Variants in TRAK2 observed in about 807,000 individuals in gnomAD.
The protein encoded by TRAK2 is trafficking kinesin protein 2.
TRAK2 carries 81 observed loss-of-function variants against 104.6 expected under a neutral mutation model. That is an observed-to-expected ratio of 0.77 (90% CI 0.65 to 0.93). The LOEUF is 0.93. TRAK2 is among the 40% of genes least tolerant of loss of function. TRAK2 has a pLI of 0.00. For missense variants in TRAK2, 1,002 were observed against 1,089.0 expected (o/e 0.92, Z 1.12); for synonymous variants, 406 against 394.4 (o/e 1.03, Z -0.35).
chr2:201,428,624 T>C (rs529263744), intron 1 of TRAK2, among the ~76,000 whole-genome samples: 1 of 152,378 alleles, frequency 6.6e-6, no homozygotes, highest in African/African-American at 2.4e-5. Flanking sequence ...CTTTATTATT[T>C]TGGCTTAGGA....
rs754486684 is a variant in TRAK2, at chr2:201,420,416, C to T, written c.91+1G>A. Reference sequence around the variant, plus strand: ...TTCAATATTTATTAAACTGGACTTACCAGTGATGCTCTCCGAGTCTCTGTG... The same window carrying T: ...TTCAATATTTATTAAACTGGACTTATCAGTGATGCTCTCCGAGTCTCTGTG... On this transcript the variant is annotated splice_donor_variant, in intron 2 of 15. Transcript: ENST00000332624. LOFTEE classifies it high-confidence loss of function. 2 of 1,613,234 alleles carry T rather than the reference C, an allele frequency of 1.2e-6. No homozygotes were observed. Among genetic ancestry groups the T allele is most frequent in the Non-Finnish European group, 1.7e-6 (2 of 1,179,360 alleles).
Position 201,392,906 on chromosome 2 carries a change from T to C in TRAK2, c.1113+3A>G, listed in dbSNP as rs1286558013. 1.9e-6 allele frequency: 3 copies of C among 1,607,662 alleles called. No individual in the cohort carries two copies. In the South Asian group the frequency reaches 3.3e-5, roughly 18 times the overall value. ...ATACATAGCATCTTTCTTAGTTGCT[T>C]ACCCCAGTAAAAGCTCCATATGATT... On this transcript the variant is annotated splice_donor_region_variant and intron_variant, in intron 10 of 15. Coordinates refer to ENST00000332624, the MANE Select transcript of TRAK2 (RefSeq NM_015049.3).
chr2:201,435,171 C>T (rs1951872338), intron 1 of TRAK2, among the ~76,000 whole-genome samples: 1 of 152,206 alleles, frequency 6.6e-6, no homozygotes, highest in South Asian at 2.1e-4. Flanking sequence ...ATCCTCCCAC[C>T]TCAGCCTCCC....
At chr2:201,393,102 A>C in intron 9 of TRAK2, 56 bp from the exon 10 acceptor site, 1 of 1,525,046 alleles carries the variant, frequency 6.6e-7, no homozygotes, top group Non-Finnish European at 8.8e-7. Flanking sequence ...CATTAGGGAA[A>C]AAAAACCCGA....
chr2:201,441,987 C>T (rs1289987551), intron 1 of TRAK2, among the ~76,000 whole-genome samples: 10 of 151,584 alleles, frequency 6.6e-5, no homozygotes, highest in African/African-American at 1.5e-4. Context: ...CCACTGTGCC[C>T]GGCCGATGGT....
intron 1 of TRAK2, among the ~76,000 whole-genome samples, chr2:201,445,285 C>T (rs1459739263): frequency 6.6e-6 from 1 of 152,096 alleles, no homozygotes; most frequent in African/African-American, 2.4e-5. Context: ...ATACAATGAC[C>T]TCAATTAACA....
intron 2 of TRAK2, chr2:201,412,991 A>G (rs1559447130): frequency 6.4e-6 from 5 of 775,296 alleles, no homozygotes; most frequent in Non-Finnish European, 1.2e-5. Flanking sequence ...GGATTCTTCT[A>G]AAGAATGCTG....
chr2:201,446,677 G>A (rs1380902769), intron 1 of TRAK2, among the ~76,000 whole-genome samples: 2 of 152,198 alleles, frequency 1.3e-5, no homozygotes, highest in South Asian at 2.1e-4. Context: ...TGTGATCTTG[G>A]ACAAGCTACT....
intron 1 of TRAK2, among the ~76,000 whole-genome samples, chr2:201,427,744 C>T (rs1343005700): frequency 6.6e-6 from 1 of 152,194 alleles, no homozygotes; most frequent in Non-Finnish European, 1.5e-5. Flanking sequence ...GAGGAATCAC[C>T]ACACTGTCTT....
At chr2:201,416,954 A>C (rs1408599405) in intron 2 of TRAK2, among the ~76,000 whole-genome samples, 1 of 152,088 alleles carries the variant, frequency 6.6e-6, no homozygotes, top group Non-Finnish European at 1.5e-5. Flanking sequence ...TGATAATTAC[A>C]TTAAAATTAA....
In TRAK2 at chr2:201,399,381, T is replaced by G; in HGVS notation, c.476A>C (p.Asp159Ala). The change falls in exon 5 of 16, where the codon GAT becomes GCT. Residue 159 changes from aspartate to alanine, a missense_variant. Asp to Ala is a moderately radical substitution (Grantham distance 126). Transcript: ENST00000332624. ...GACATTTGATCAAAGGCTTACTTGA[T>G]CAAAGGCTTGTCCCAATTGCTCCTC... ...SLEEQLGQAF[D>A]QVNQLQHELC... 6.2e-7 allele frequency: 1 copy of G among 1,604,494 alleles called. No homozygotes were observed. The highest frequency in any genetic ancestry group is 8.5e-7 in the Non-Finnish European group (1 of 1,172,220).
At chr2:201,410,311 A>C (rs917182514) in intron 2 of TRAK2, among the ~76,000 whole-genome samples, 6 of 152,130 alleles carry the variant, frequency 3.9e-5, no homozygotes, top group Admixed American at 1.3e-4. Flanking sequence ...GTCTCAAAAA[A>C]AAAAAACAAA....
At chr2:201,436,207 T>C (rs897501498) in intron 1 of TRAK2, among the ~76,000 whole-genome samples, 2 of 152,162 alleles carry the variant, frequency 1.3e-5, no homozygotes, top group African/African-American at 4.8e-5. Context: ...AATGGCATCA[T>C]AGAATTCATG....
At position 201,392,992 on chromosome 2, in the gene TRAK2, G is replaced by C. The variant is rs1576509450; in HGVS notation, c.1030C>G (p.Gln344Glu). 1.2e-6 allele frequency: 2 copies of C among 1,613,682 alleles called. No individual in the cohort carries two copies. Among genetic ancestry groups the C allele is most frequent in the Non-Finnish European group, 1.7e-6 (2 of 1,179,838 alleles). The change falls in exon 10 of 16, where the codon CAA becomes GAA. Residue 344 changes from glutamine to glutamate, a missense_variant. Gln to Glu is a conservative substitution (Grantham distance 29, BLOSUM62 2). Transcript: ENST00000332624. ...CTACGAAGTTCCTTTATTTCTTCTT[G>C]GGATTCATGTAACATTCCTAGACAC... ...MECLGMLHES[Q>E]EEIKELRSRS...
Position 201,389,813 on chromosome 2 carries a change from A to C in TRAK2, c.1181T>G (p.Leu394Arg). ...GACCTGTACTTACTTTTGTTTAAAG[A>C]GAGAAGATTCCTCATCCAAACTCAG... ...KKLSLDEESS[L>R]FKQKAQQKRV... Residue 394 changes from leucine (L) to arginine (R), a missense_variant, in exon 11 of 16, where the codon CTC becomes CGC. Transcript: ENST00000332624. 1 of 1,612,522 alleles carries C rather than the reference A, an allele frequency of 6.2e-7. No individual in the cohort carries two copies. Among genetic ancestry groups the C allele is most frequent in the East Asian group, 2.2e-5 (1 of 44,860 alleles).
At chr2:201,416,634 T>C (rs1951693881) in intron 2 of TRAK2, among the ~76,000 whole-genome samples, 1 of 152,158 alleles carries the variant, frequency 6.6e-6, no homozygotes, top group Non-Finnish European at 1.5e-5. Context: ...AAGGTAATAA[T>C]GTATTATGTA....
chr2:201,439,752 C>T lies in TRAK2; in HGVS notation c.-200+11598G>A, dbSNP rs189650245. ...ATATACACCATGGAATACTATGCAG[C>T]CATAAAAAATGATGAGTTCATGTCC... On this transcript the variant is annotated intron_variant, in intron 1 of 15. Coordinates refer to ENST00000332624, the MANE Select transcript of TRAK2 (RefSeq NM_015049.3). Among the ~76,000 whole-genome samples, 1,386 of 150,392 alleles carry T rather than the reference C, an allele frequency of 9.2e-3. 14 individuals are homozygous for T. The highest frequency in any genetic ancestry group is 0.033 in the African/African-American group (1,328 of 40,794).
At chr2:201,450,789 T>G (rs1007408766) in intron 1 of TRAK2, among the ~76,000 whole-genome samples, 4 of 152,148 alleles carry the variant, frequency 2.6e-5, no homozygotes, top group African/African-American at 9.7e-5. Flanking sequence ...GATTTTTTTT[T>G]AAGTTGAAAT....
chr2:201,429,669 G>A (rs182042930), intron 1 of TRAK2, among the ~76,000 whole-genome samples: 28 of 152,304 alleles, frequency 1.8e-4, no homozygotes, highest in Admixed American at 5.2e-4. Context: ...ACTGAAGCTT[G>A]CGCATGCGTC....
Sources: gnomAD v4.1 joint callset for allele counts (sites outside exome capture counted in the v4.1 genomes callset) on GRCh38, gnomAD v4.1.1 for gene constraint, MANE v1.5 for transcripts, NCBI Gene and HGNC (gene_info 2026-07-23, HGNC 2026-07-21) for gene names.